The following ADGRL2 variants were observed in gnomAD, a reference collection of about 807,000 sequenced individuals.
ADGRL2 encodes adhesion G protein-coupled receptor L2.
Under a neutral mutation model 157.4 loss-of-function variants are expected in ADGRL2, and 44 were observed. The observed-to-expected ratio is 0.28, with a 90% CI of 0.22 to 0.36. The LOEUF (loss-of-function observed/expected upper bound fraction) is 0.36. Ranked by LOEUF, ADGRL2 falls within the 10% of genes least tolerant of loss-of-function variation. ADGRL2 has a pLI of 1.00. For missense variants in ADGRL2, 1,510 were observed against 1,768.9 expected (o/e 0.85, Z 2.63); for synonymous variants, 585 against 624.7 (o/e 0.94, Z 0.95).
intron 3 of ADGRL2, among the ~76,000 whole-genome samples, chr1:81,595,169 A>T (rs10874256): frequency 6.6e-6 from 1 of 151,922 alleles, no homozygotes; most frequent in East Asian, 1.9e-4. Context: ...GTGAAGGGGC[A>T]GGGGATGGGA....
At chr1:81,364,728 C>G (rs1473256599) in intron 1 of ADGRL2, among the ~76,000 whole-genome samples, 4 of 150,530 alleles carry the variant, frequency 2.7e-5, no homozygotes, top group Non-Finnish European at 4.4e-5. Flanking sequence ...GAGACAGAGT[C>G]TTGCTCTGTC....
rs17106379 is a variant in ADGRL2 at position 81,311,164 on chromosome 1, A to G, written c.-302+4655A>G. Reference sequence around the variant, plus strand: ...TTAACATATACAAGCTCAAAACTAAAACTTCATTAGATAAGACGTACATTT... The same window carrying G: ...TTAACATATACAAGCTCAAAACTAAGACTTCATTAGATAAGACGTACATTT... On this transcript the variant is annotated intron_variant, in intron 1 of 24. Transcript: ENST00000370721. Among the ~76,000 whole-genome samples the G allele has an allele frequency of 7.5e-3, 1,147 of 152,300 alleles. 15 individuals are homozygous for G. The highest frequency in any genetic ancestry group is 0.056 in the East Asian group (288 of 5,174).
intron 1 of ADGRL2, among the ~76,000 whole-genome samples, chr1:81,369,316 C>T (rs1401945614): frequency 3.9e-5 from 6 of 152,082 alleles, no homozygotes; most frequent in South Asian, 4.2e-4. Context: ...AACTTATAGA[C>T]TTGAAAAAAT....
intron 2 of ADGRL2, among the ~76,000 whole-genome samples, chr1:81,877,724 T>A (rs897222169): frequency 2.0e-5 from 3 of 152,082 alleles, no homozygotes; most frequent in African/African-American, 7.2e-5. Context: ...AAAGCCTAAC[T>A]TGCCTTTTTG....
chr1:81,836,216 GA>G (rs2092272634), intron 1 of ADGRL2, among the ~76,000 whole-genome samples: 1 of 152,008 alleles, frequency 6.6e-6, no homozygotes, highest in African/African-American at 2.4e-5. Context: ...GCAGGTTAAG[GA>G]TAACTGGAGA....
rs1295650595 is a variant in ADGRL2 at position 81,891,087 on chromosome 1, T to G, written c.74-15930T>G. 9.2e-5 allele frequency among the ~76,000 whole-genome samples: 14 copies of G among 152,000 alleles called. No individual in the cohort carries two copies. In the East Asian group the frequency reaches 2.7e-3, roughly 29 times the overall value. On this transcript the variant is annotated intron_variant, in intron 2 of 23. Transcript: ENST00000686636. ...TGTTTTTGTTTTTTATTTCCCCCCA[T>G]GCATGTATATAGAAGTATAATTTTA...
At chr1:81,900,557 C>G (rs949671564) in intron 2 of ADGRL2, among the ~76,000 whole-genome samples, 3 of 151,994 alleles carry the variant, frequency 2.0e-5, no homozygotes, top group African/African-American at 7.3e-5. Flanking sequence ...TGGGGAAAAC[C>G]TGTAGCTCTG....
At chr1:81,503,691 G>C (rs2078906274) in intron 2 of ADGRL2, among the ~76,000 whole-genome samples, 1 of 152,136 alleles carries the variant, frequency 6.6e-6, no homozygotes, top group South Asian at 2.1e-4. Context: ...GTCCAATCAG[G>C]GATTGTCCTG....
intron 2 of ADGRL2, among the ~76,000 whole-genome samples, chr1:81,489,228 C>G (rs1360420896): frequency 7.1e-6 from 1 of 141,496 alleles, no homozygotes; most frequent in Non-Finnish European, 1.5e-5. Context: ...CAGAGGGAGA[C>G]TCTGTCTCAA....
intron 18 of ADGRL2, among the ~76,000 whole-genome samples, chr1:81,981,591 G>A (rs1281705812): frequency 6.6e-6 from 1 of 151,948 alleles, no homozygotes; most frequent in African/African-American, 2.4e-5. Context: ...TCTGGAATAA[G>A]AAAAGGTCAT....
At chr1:81,475,196 A>G (rs1293638845) in intron 2 of ADGRL2, among the ~76,000 whole-genome samples, 1 of 138,780 alleles carries the variant, frequency 7.2e-6, no homozygotes, top group African/African-American at 2.5e-5. Flanking sequence ...ACTTGTATCT[A>G]AACACTTTCT....
At chr1:81,853,922 T>TA (rs2093110199) in intron 2 of ADGRL2, among the ~76,000 whole-genome samples, 1 of 152,182 alleles carries the variant, frequency 6.6e-6, no homozygotes, top group Admixed American at 6.6e-5. Context: ...GAAGCATTTA[T>TA]AACTGTTACC....
intron 1 of ADGRL2, among the ~76,000 whole-genome samples, chr1:81,726,515 A>G (rs1285964781): frequency 6.6e-6 from 1 of 152,222 alleles, no homozygotes; most frequent in African/African-American, 2.4e-5. Flanking sequence ...CTAAATAGCC[A>G]TGACTGTATT....
rs556818971 is a variant in ADGRL2 at position 81,898,218 on chromosome 1, T to C, written c.74-8799T>C. Among the ~76,000 whole-genome samples, 17 of 152,360 alleles carry C rather than the reference T, an allele frequency of 1.1e-4. No individual in the cohort carries two copies. In the South Asian group the frequency reaches 3.3e-3, roughly 30 times the overall value. ...ATTGTGTAGTTATATGATCTTAAAT[T>C]GTTGGAACACTTTCTTTTGCAACAG... On this transcript the variant is annotated intron_variant, in intron 2 of 23. Transcript: ENST00000686636.
chr1:81,812,510 A>G (rs1402088639), intron 1 of ADGRL2, among the ~76,000 whole-genome samples: 1 of 151,698 alleles, frequency 6.6e-6, no homozygotes, highest in East Asian at 1.9e-4. Flanking sequence ...TAATAAAGAT[A>G]CCAGATCCAT....
At chr1:81,391,118 TTTG>T (rs1382701336) in intron 1 of ADGRL2, among the ~76,000 whole-genome samples, 1 of 152,304 alleles carries the variant, frequency 6.6e-6, no homozygotes, top group African/African-American at 2.4e-5. Flanking sequence ...GGCAATCAAG[TTTG>T]TTAACAAATG....
intron 3 of ADGRL2, among the ~76,000 whole-genome samples, chr1:81,645,264 TG>T (rs370346354): frequency 9.2e-5 from 14 of 151,930 alleles, no homozygotes; most frequent in Non-Finnish European, 2.1e-4. Flanking sequence ...TGGTGGTGCG[TG>T]CCTGTAGTCC....
intron 1 of ADGRL2, among the ~76,000 whole-genome samples, chr1:81,740,083 T>G: frequency 6.6e-6 from 1 of 152,178 alleles, no homozygotes; most frequent in Non-Finnish European, 1.5e-5. Flanking sequence ...CAAAGGAAGA[T>G]GAGGGTTGGC....
intron 2 of ADGRL2, among the ~76,000 whole-genome samples, chr1:81,476,113 T>C (rs927579504): frequency 6.6e-6 from 1 of 150,420 alleles, no homozygotes; most frequent in African/African-American, 2.5e-5. Context: ...CACTAGACAC[T>C]TAAATATATG....
Sources: allele counts gnomAD v4.1 joint callset (sites outside exome capture counted in the v4.1 genomes callset), GRCh38; gene constraint gnomAD v4.1.1; transcripts MANE v1.5; gene names NCBI Gene and HGNC (gene_info 2026-07-23, HGNC 2026-07-21).